The following CSMD1 variants were observed in gnomAD, a reference collection of about 807,000 sequenced individuals.
CSMD1 encodes CUB and sushi domain-containing protein 1.
A neutral mutation model predicts 417.5 loss-of-function variants in CSMD1; 213 were observed. That is an observed-to-expected ratio of 0.51 (90% CI 0.46 to 0.57). The LOEUF (loss-of-function observed/expected upper bound fraction) is 0.57. CSMD1 is among the 20% of genes least tolerant of loss of function. CSMD1 has a pLI of 0.00. For missense variants in CSMD1, 6,923 were observed against 4,529.7 expected, an observed-to-expected ratio of 1.53 and a Z score of -15.17; for synonymous variants, 2,862 against 1,736.8, an observed-to-expected ratio of 1.65 and a Z score of -16.11.
At chr8:3,777,239 T>C (rs1481890912) in intron 5 of CSMD1, among the ~76,000 whole-genome samples, 1 of 151,928 alleles carries the variant, frequency 6.6e-6, no homozygotes, top group African/African-American at 2.4e-5. Flanking sequence ...CATGAGCTCC[T>C]TAAGGGCAGG....
At chr8:3,625,836 G>C (rs561569373) in intron 7 of CSMD1, among the ~76,000 whole-genome samples, 12 of 151,914 alleles carry the variant, frequency 7.9e-5, no homozygotes, top group Non-Finnish European at 1.5e-4. Flanking sequence ...TTTTCTATCA[G>C]AGGGAAAAAC....
chr8:4,601,776 C>G (rs1179942381), intron 2 of CSMD1, among the ~76,000 whole-genome samples: 1 of 152,122 alleles, frequency 6.6e-6, no homozygotes, highest in Non-Finnish European at 1.5e-5. Context: ...TTAACTTTGA[C>G]CAAATGAAAA....
intron 3 of CSMD1, among the ~76,000 whole-genome samples, chr8:4,293,742 A>T (rs1396838321): frequency 1.3e-5 from 2 of 152,252 alleles, no homozygotes; most frequent in African/African-American, 4.8e-5. Flanking sequence ...ATATTAAAGC[A>T]CAGATATTTT....
chr8:4,496,982 G>C (rs1014652773), intron 2 of CSMD1, among the ~76,000 whole-genome samples: 1 of 152,104 alleles, frequency 6.6e-6, no homozygotes, highest in Non-Finnish European at 1.5e-5. Context: ...AAACGAAAGG[G>C]AGACAATAAG....
chr8:3,788,196 T>A lies in CSMD1; in HGVS notation c.819-34154A>T, dbSNP rs141455106. 1.2e-3 allele frequency among the ~76,000 whole-genome samples: 181 copies of A among 152,312 alleles called. 1 individual carries two copies. The highest frequency in any genetic ancestry group is 3.0e-3 in the Admixed American group (46 of 15,304). On this transcript the variant is annotated intron_variant, in intron 5 of 69. Coordinates refer to ENST00000635120, the MANE Select transcript of CSMD1 (RefSeq NM_033225.6). ...CATGTGATACTACATAATTACAAAT[T>A]ACAGATAGTTGGATCACAGGATTTA...
intron 25 of CSMD1, among the ~76,000 whole-genome samples, chr8:3,302,953 T>C (rs1804531498): frequency 6.6e-6 from 1 of 152,180 alleles, no homozygotes; most frequent in Non-Finnish European, 1.5e-5. Flanking sequence ...AGGTCACCCA[T>C]GACCAGCAAC....
intron 26 of CSMD1, among the ~76,000 whole-genome samples, chr8:3,243,807 A>G (rs907550915): frequency 1.3e-5 from 2 of 150,982 alleles, no homozygotes; most frequent in Non-Finnish European, 3.0e-5. Flanking sequence ...ATATAATTAT[A>G]TGATGAATAT....
rs1805067686 is a variant in CSMD1 at position 3,308,513 on chromosome 8, A to C, written c.3632-10T>G. ...TTTACCAGATCAAAACCTGCAAGAG[A>C]GAAAGGCAAGGAATGAACAGAACTC... On this transcript the variant is annotated splice_polypyrimidine_tract_variant and intron_variant, in intron 23 of 69. Transcript: ENST00000635120. 1 of 1,604,412 alleles carries C rather than the reference A, an allele frequency of 6.2e-7. No individual in the cohort carries two copies. Among genetic ancestry groups the C allele is most frequent in the Non-Finnish European group, 8.5e-7 (1 of 1,172,948 alleles).
chr8:4,125,356 T>C (rs1802701935), intron 3 of CSMD1, among the ~76,000 whole-genome samples: 1 of 152,206 alleles, frequency 6.6e-6, no homozygotes, highest in South Asian at 2.1e-4. Context: ...GTCTCTCACC[T>C]ACTTGTGACC....
intron 1 of CSMD1, among the ~76,000 whole-genome samples, chr8:4,764,341 G>T (rs1812307172): frequency 1.3e-5 from 2 of 152,098 alleles, no homozygotes; most frequent in Non-Finnish European, 2.9e-5. Context: ...TTAGAACCTA[G>T]AAATTAGTAT....
chr8:3,793,610 T>G (rs2129068639), intron 5 of CSMD1, among the ~76,000 whole-genome samples: 1 of 152,122 alleles, frequency 6.6e-6, no homozygotes, highest in African/African-American at 2.4e-5. Flanking sequence ...CAGTAAACCT[T>G]CCCAAATGTC....
At chr8:4,557,567 G>C (rs1038183656) in intron 2 of CSMD1, among the ~76,000 whole-genome samples, 2 of 151,300 alleles carry the variant, frequency 1.3e-5, no homozygotes, top group Non-Finnish European at 2.9e-5. Context: ...AAAAACAACA[G>C]TATTAAGATA....
intron 5 of CSMD1, among the ~76,000 whole-genome samples, chr8:3,876,525 G>T (rs747922232): frequency 2.2e-4 from 34 of 152,166 alleles, no homozygotes; most frequent in Non-Finnish European, 4.7e-4. Context: ...TTTATTAGGA[G>T]AAATTTATTC....
chr8:3,298,334 T>C (rs1451520553), intron 25 of CSMD1, among the ~76,000 whole-genome samples: 1 of 152,082 alleles, frequency 6.6e-6, no homozygotes, highest in Non-Finnish European at 1.5e-5. Flanking sequence ...ATCAGAACCA[T>C]CCAAATGTCC....
chr8:2,978,341 A>G (rs1336309637), intron 55 of CSMD1, among the ~76,000 whole-genome samples: 2 of 152,162 alleles, frequency 1.3e-5, no homozygotes, highest in African/African-American at 4.8e-5. Flanking sequence ...TGAGAAAAAC[A>G]GATAAAGGCA....
chr8:3,581,030 A>G lies in CSMD1; in HGVS notation c.1222+5106T>C, dbSNP rs554134729. Among the ~76,000 whole-genome samples the G allele has an allele frequency of 3.6e-3, 544 of 152,300 alleles. 4 individuals carry two copies. The highest frequency in any genetic ancestry group is 0.012 in the African/African-American group (504 of 41,574). ...ACAGGTAACCACAGTTACAACTGGC[A>G]ATAATACTTTATTTCTCTTAGAGGG... On this transcript the variant is annotated intron_variant, in intron 9 of 69. Transcript: ENST00000635120.
At chr8:3,993,584 G>A (rs1001660836) in intron 5 of CSMD1, among the ~76,000 whole-genome samples, 2 of 152,198 alleles carry the variant, frequency 1.3e-5, no homozygotes, top group Non-Finnish European at 2.9e-5. Context: ...TTACAAAACT[G>A]TCACCCCAGA....
intron 2 of CSMD1, among the ~76,000 whole-genome samples, chr8:4,592,752 C>G (rs578222453): frequency 6.6e-6 from 1 of 152,054 alleles, no homozygotes; most frequent in South Asian, 2.1e-4. Context: ...TTTTTATCTA[C>G]GAATTTTAAT....
At position 3,739,582 on chromosome 8, in the gene CSMD1, G is replaced by C. The variant is rs568315191; in HGVS notation, c.931+14348C>G. ...ACTGATTAAATCTGGGAATGCTTAA[G>C]TTTTTGAAAACTAACACATTAAGTC... On this transcript the variant is annotated intron_variant, in intron 6 of 69. Coordinates refer to ENST00000635120, the MANE Select transcript of CSMD1 (RefSeq NM_033225.6). 7.2e-5 allele frequency among the ~76,000 whole-genome samples: 11 copies of C among 152,252 alleles called. No homozygotes were observed. The East Asian group carries it at 1.7e-3, about 24-fold the overall frequency.
Sources: gnomAD v4.1 joint callset for allele counts (sites outside exome capture counted in the v4.1 genomes callset) on GRCh38, gnomAD v4.1.1 for gene constraint, MANE v1.5 for transcripts, NCBI Gene and HGNC (gene_info 2026-07-23, HGNC 2026-07-21) for gene names.